The following CLUH variants were observed in gnomAD, a reference collection of about 807,000 sequenced individuals.
CLUH encodes CLUH binding protein of NUMT mRNA.
Under a neutral mutation model 139.3 loss-of-function variants are expected in CLUH, and 77 were observed. The ratio of observed to expected loss-of-function variants is 0.55; its 90% CI spans 0.46 to 0.67. The LOEUF (loss-of-function observed/expected upper bound fraction) is 0.67. Among genes scored for constraint, CLUH ranks in the 30% least tolerant of loss-of-function variants. The pLI is 0.00. For synonymous variants in CLUH, 999 were observed against 801.6 expected (o/e 1.25, Z -4.16); for missense variants, 1,876 against 1,875.8 (o/e 1.00, Z 0.00).
chr17:2,700,657 G>A (rs766030278), intron 8 of CLUH, 21 bp downstream of exon 8: 11 of 1,517,552 alleles, frequency 7.2e-6, no homozygotes, highest in Admixed American at 2.2e-5. Context: ...CCCAGCGAGG[G>A]CAGGGCCAGG....
At chr17:2,694,379 A>G in intron 17 of CLUH, 101 bp downstream of exon 17, 3 of 1,520,332 alleles carry the variant, frequency 2.0e-6, no homozygotes, top group Non-Finnish European at 2.7e-6. Flanking sequence ...ACCGTGAAAA[A>G]GCCACTTCCC....
rs758269083 is a variant in CLUH, at chr17:2,696,715, C to T, written c.2185+4G>A. The stretch of plus-strand genomic sequence containing the variant: ...TCTCTCCCGGCCATCTGCAGCAGCC[C>T]CACCTGTGCCGTCGTCTGCGGCGAT... On this transcript the variant is annotated splice_donor_region_variant and intron_variant, in intron 11 of 25. Transcript: ENST00000651024. The T allele has an allele frequency of 6.2e-6, 10 of 1,611,422 alleles. No individual in the cohort carries two copies. The highest frequency in any genetic ancestry group is 2.0e-4 in the Middle Eastern group (1 of 4,958).
rs1486484467 is a variant in CLUH, at chr17:2,703,351, G to A, written c.442C>T (p.Leu148=). Residue 148 remains leucine (L), a synonymous_variant, in exon 3 of 26, where the codon CTG becomes TTG. Transcript: ENST00000651024. The surrounding 1 kb of genome is among the most constrained non-coding windows in gnomAD (Gnocchi z 4.2). ...ACACGCAGCACAGAGCCCTCCTGCA[G>A]CCCCTCGACGCTGCGCAGCTCCGAG... The part of the protein sequence containing the change: ...HFSELRSVEG[L]QEGSVLRVVE... 3 of 1,612,672 alleles carry A rather than the reference G, an allele frequency of 1.9e-6. No individual in the cohort carries two copies. The highest frequency in any genetic ancestry group is 8.5e-7 in the Non-Finnish European group (1 of 1,179,574).
Position 2,698,203 on chromosome 17 carries a change from G to A in CLUH, c.1654C>T (p.His552Tyr). Residue 552 changes from histidine (H) to tyrosine (Y), a missense_variant, in exon 10 of 26, where the codon CAC becomes TAC. Coordinates refer to ENST00000651024, the MANE Select transcript of CLUH (RefSeq NM_001366661.1). ...SIDFGKTVVS[H>Y]PRYLELLERT... ...TCCAGCAGCTCCAGGTACCGCGGGT[G>A]TGACACCACGGTCTTGCCGAAGTCG... 2 of 1,579,542 alleles carry A rather than the reference G, an allele frequency of 1.3e-6. No homozygotes were observed. Among genetic ancestry groups the A allele is most frequent in the Admixed American group, 1.8e-5 (1 of 54,604 alleles).
rs981744835 is a variant in CLUH at position 2,689,552 on chromosome 17, C to G, written c.*1042G>C. The G allele has an allele frequency of 2.6e-5, 4 of 152,962 alleles. No homozygotes were observed. In the East Asian group the frequency reaches 5.8e-4, roughly 22 times the overall value. 9.5% of individuals were successfully genotyped at this position (152,962 alleles called of 1,614,324 possible). Reference sequence around the variant, plus strand: ...CGGACCACACCCATAAGCGGCTCTCCGCAAACCCAGGCAGACGCCCGTCTC... The same window carrying G: ...CGGACCACACCCATAAGCGGCTCTCGGCAAACCCAGGCAGACGCCCGTCTC... On this transcript the variant is annotated 3_prime_UTR_variant, in exon 26 of 26. Coordinates refer to ENST00000651024, the MANE Select transcript of CLUH (RefSeq NM_001366661.1).
rs1414682001 is a variant in CLUH at position 2,690,544 on chromosome 17, G to C, written c.*50C>G. On this transcript the variant is annotated 3_prime_UTR_variant, in exon 26 of 26. Transcript: ENST00000651024. ...AGGCTCGCCCCCTTCTCCCGCAGTC[G>C]GGCTCCCTGGTGACGGGGCCGCTGG... is the stretch of plus-strand genomic sequence containing the variant. The C allele has an allele frequency of 4.3e-6, 6 of 1,387,966 alleles. No individual in the cohort carries two copies. Among genetic ancestry groups the C allele is most frequent in the Non-Finnish European group, 5.6e-6 (6 of 1,063,756 alleles). The allele number at this position is 1,387,966 out of a possible 1,614,324, so 86.0% of individuals were successfully genotyped here.
rs962554158 is a variant in CLUH at position 2,704,678 on chromosome 17, G to T, written c.101-114C>A. ...TGGAAAGGCATCTGCATGCCCTCGA[G>T]AGTCCCAGCCTCACGGTCGCGCCTC... is the stretch of plus-strand genomic sequence containing the variant. On this transcript the variant is annotated intron_variant, in intron 1 of 25. Coordinates refer to ENST00000651024, the MANE Select transcript of CLUH (RefSeq NM_001366661.1). The surrounding 1 kb of genome is among the most constrained non-coding windows in gnomAD (Gnocchi z 5.7). The T allele has an allele frequency of 3.9e-6, 4 of 1,035,492 alleles. No homozygotes were observed. The highest frequency in any genetic ancestry group is 5.5e-6 in the Non-Finnish European group (4 of 725,344). The allele number at this position is 1,035,492 out of a possible 1,614,324, so 64.1% of individuals were successfully genotyped here.
chr17:2,699,821 G>A (rs912014496), intron 9 of CLUH, among the ~76,000 whole-genome samples: 3 of 152,096 alleles, frequency 2.0e-5, no homozygotes, highest in Non-Finnish European at 2.9e-5. Context: ...TAGTGGAGAT[G>A]GGGTTTCCCC....
In CLUH at chr17:2,700,471, G is replaced by A. The variant is rs1162587903; in HGVS notation, c.1177C>T (p.Arg393Ter). Residue 393 changes from arginine to a stop codon, truncating the protein, a stop_gained, in exon 9 of 26, where the codon CGA becomes TGA. Coordinates refer to ENST00000651024, the MANE Select transcript of CLUH (RefSeq NM_001366661.1). LOFTEE classifies it high-confidence loss of function. Reference sequence around the variant, plus strand: ...GTCTGCAGCTCCTCATTCCAGTCTCGGGTCTGCAGAGAGATCAGGGAGGGA... The same window carrying A: ...GTCTGCAGCTCCTCATTCCAGTCTCAGGTCTGCAGAGAGATCAGGGAGGGA... ...GYEEHIPGQTRDWNEELQTTR... is the reference protein window; with the variant it reads ...GYEEHIPGQT 3.1e-6 allele frequency: 5 copies of A among 1,611,122 alleles called. No homozygotes were observed. The highest frequency in any genetic ancestry group is 4.2e-6 in the Non-Finnish European group (5 of 1,179,300).
At chr17:2,693,334 T>C (rs1215264229) in intron 19 of CLUH, among the ~76,000 whole-genome samples, 1 of 152,018 alleles carries the variant, frequency 6.6e-6, no homozygotes, top group Non-Finnish European at 1.5e-5. Context: ...AGGTTGAGGC[T>C]GCAGGGAGTC....
At chr17:2,697,861 G>A in intron 10 of CLUH, 35 bp downstream of exon 10, 1 of 1,445,570 alleles carries the variant, frequency 6.9e-7, no homozygotes, top group Non-Finnish European at 9.1e-7. Context: ...CCCTGCAGCT[G>A]GCCCCGGCCC....
Position 2,691,802 on chromosome 17 carries a change from T to A in CLUH, c.3748A>T (p.Ile1250Phe). 4.4e-6 allele frequency: 7 copies of A among 1,585,544 alleles called. No individual in the cohort carries two copies. In the South Asian group the frequency reaches 8.0e-5, roughly 18 times the overall value. The change falls in exon 24 of 26, where the codon ATC (isoleucine) becomes TTC (phenylalanine). Residue 1250 changes from isoleucine (I) to phenylalanine (F), a missense_variant. Transcript: ENST00000651024. ...AVALQRTMNE[I>F]YRNGSSANIP... ...TTGGCGCTGGAGCCGTTGCGGTAGA[T>A]CTCGTTCATGGTGCGCTGCAGGGCC...
At position 2,707,523 on chromosome 17, in the gene CLUH, C is replaced by G. The variant is rs1047745549; in HGVS notation, c.101-2959G>C. 16 of 985,270 alleles carry G rather than the reference C, an allele frequency of 1.6e-5. No individual in the cohort carries two copies. The African/African-American group carries it at 2.8e-4, about 17-fold the overall frequency. 61.0% of individuals were successfully genotyped at this position (985,270 alleles called of 1,614,324 possible). On this transcript the variant is annotated intron_variant, in intron 1 of 25. Transcript: ENST00000651024. This position sits in a 1 kb window ranked among gnomAD's most constrained non-coding sequence, Gnocchi z 7.4. ...ACTCAGGCCCACCTCCCTATGCCCC[C>G]TAGAGAGGGGGTCACTGCCGGCAAA...
intron 19 of CLUH, among the ~76,000 whole-genome samples, 160 bp downstream of exon 19, chr17:2,693,740 C>T (rs539846872): frequency 4.6e-5 from 7 of 152,322 alleles, no homozygotes; most frequent in East Asian, 1.9e-4. Context: ...CTCTCCCGCT[C>T]GGGACACAGT....
At position 2,701,150 on chromosome 17, in the gene CLUH, G is replaced by A; in HGVS notation, c.1015C>T (p.Gln339Ter). 2 of 1,613,956 alleles carry A rather than the reference G, an allele frequency of 1.2e-6. No individual in the cohort carries two copies. The highest frequency in any genetic ancestry group is 1.7e-6 in the Non-Finnish European group (2 of 1,179,886). ...GGACAAAGGCACTACCTTTTCTTCTGCAGCACAGCGAAGTTCTTCTTGAAG... is the reference window on the plus strand; with the variant it reads ...GGACAAAGGCACTACCTTTTCTTCTACAGCACAGCGAAGTTCTTCTTGAAG... ...PTFKKNFAVL[Q>*]KKRVQRHPFE... The change falls in exon 7 of 26, where the codon CAG becomes TAG. Residue 339 changes from glutamine to a stop codon, truncating the protein, a stop_gained. Coordinates refer to ENST00000651024, the MANE Select transcript of CLUH (RefSeq NM_001366661.1). LOFTEE classifies it high-confidence loss of function.
chr17:2,690,850 T>C, intron 25 of CLUH, 73 bp from the exon 26 acceptor site: 1 of 1,248,154 alleles, frequency 8.0e-7, no homozygotes, highest in Non-Finnish European at 1.1e-6. Context: ...CCGGCTTTCC[T>C]GTGGGATAAG....
At chr17:2,693,878 G>A (rs770547034) in intron 19 of CLUH, 22 bp downstream of exon 19, 2 of 1,594,982 alleles carry the variant, frequency 1.3e-6, no homozygotes, top group South Asian at 2.3e-5. Context: ...CCAGGCCTTT[G>A]CTGCCACAGC....
At chr17:2,692,958 G>A (rs1486609228) in intron 19 of CLUH, 98 bp from the exon 20 acceptor site, 1 of 1,228,636 alleles carries the variant, frequency 8.1e-7, no homozygotes, top group Non-Finnish European at 1.1e-6. Context: ...CCGCTCTGCA[G>A]GCTCCTGTCC....
chr17:2,707,935 G>C lies in CLUH; in HGVS notation c.101-3371C>G. ...CTTCCCAGAGGACAACTGCACCCGT[G>C]CCCCTGGCCTCCAGGCTCCATCAAG... On this transcript the variant is annotated intron_variant, in intron 1 of 25. Transcript: ENST00000651024. The surrounding 1 kb of genome is among the most constrained non-coding windows in gnomAD (Gnocchi z 7.4). The C allele has an allele frequency of 1.0e-6, 1 of 985,438 alleles. No homozygotes were observed. The highest frequency in any genetic ancestry group is 1.2e-6 in the Non-Finnish European group (1 of 829,928). 61.0% of individuals were successfully genotyped at this position (985,438 alleles called of 1,614,324 possible). A position where few individuals can be genotyped will look rare whatever the true frequency, so the allele number is the denominator to read the frequency against.
Sources: allele counts gnomAD v4.1 joint callset (sites outside exome capture counted in the v4.1 genomes callset), GRCh38; gene constraint gnomAD v4.1.1; non-coding constraint Gnocchi (gnomAD v3.1); transcripts MANE v1.5; gene names NCBI Gene and HGNC (gene_info 2026-07-23, HGNC 2026-07-21).